Variants in HEMK2 observed in about 807,000 individuals in gnomAD.
The protein encoded by HEMK2 is methyltransferase HEMK2.
chr21:28,698,572 A>T, the HEMK2 span, among the ~76,000 whole-genome samples: 1 of 152,062 alleles, frequency 6.6e-6, no homozygotes, highest in Non-Finnish European at 1.5e-5. Flanking sequence ...ATGAGGAATG[A>T]CTATGAAAAT....
At chr21:28,831,706 G>A in the HEMK2 span, among the ~76,000 whole-genome samples, 3 of 98,658 alleles carry the variant, frequency 3.0e-5, no homozygotes, top group African/African-American at 4.6e-5. Flanking sequence ...AAGGAAGGAA[G>A]GAAGGAAGGA....
At chr21:28,862,745 T>TA in the HEMK2 span, among the ~76,000 whole-genome samples, 1 of 152,278 alleles carries the variant, frequency 6.6e-6, no homozygotes, top group Non-Finnish European at 1.5e-5. Context: ...CTCCTTTTGT[T>TA]AAAAACATGT....
the HEMK2 span, among the ~76,000 whole-genome samples, chr21:28,846,211 G>A: frequency 2.0e-5 from 3 of 152,156 alleles, no homozygotes; most frequent in African/African-American, 7.2e-5. Flanking sequence ...TGGGCGTCTA[G>A]GTTGATTCCA....
At chr21:28,735,265 C>G in the HEMK2 span, among the ~76,000 whole-genome samples, 7 of 152,156 alleles carry the variant, frequency 4.6e-5, no homozygotes, top group Non-Finnish European at 8.8e-5. Flanking sequence ...ACTGGGTTCT[C>G]TACCCTGGGT....
the HEMK2 span, among the ~76,000 whole-genome samples, chr21:28,864,623 A>G: frequency 6.6e-6 from 1 of 152,138 alleles, no homozygotes; most frequent in Non-Finnish European, 1.5e-5. Flanking sequence ...ACGTCCACTT[A>G]AAAAGTTTCA....
chr21:28,755,120 G>A, the HEMK2 span, among the ~76,000 whole-genome samples: 33 of 152,170 alleles, frequency 2.2e-4, 1 homozygote, highest in East Asian at 2.1e-3. Flanking sequence ...AGAAGAATTC[G>A]TGTGAGGTCT....
At chr21:28,689,268 G>A in the HEMK2 span, among the ~76,000 whole-genome samples, 2 of 152,170 alleles carry the variant, frequency 1.3e-5, no homozygotes, top group Admixed American at 1.3e-4. Context: ...CATGCAAATT[G>A]TAGATGTTAA....
At chr21:28,641,145 C>T in the HEMK2 span, among the ~76,000 whole-genome samples, 15 of 152,044 alleles carry the variant, frequency 9.9e-5, no homozygotes, top group African/African-American at 3.6e-4. Flanking sequence ...TAAAAAAATC[C>T]TTGTTTCCTC....
At chr21:28,650,770 A>G in the HEMK2 span, among the ~76,000 whole-genome samples, 24 of 152,300 alleles carry the variant, frequency 1.6e-4, no homozygotes, top group Non-Finnish European at 2.8e-4. Flanking sequence ...AGTCCTCGGC[A>G]TATAAAGGGG....
At chr21:28,825,761 G>A in the HEMK2 span, among the ~76,000 whole-genome samples, 1 of 152,150 alleles carries the variant, frequency 6.6e-6, no homozygotes, top group Non-Finnish European at 1.5e-5. Context: ...ATAAAAGTTG[G>A]GTGACCAACT....
chr21:28,594,400 G>A, the HEMK2 span, among the ~76,000 whole-genome samples: 1 of 152,142 alleles, frequency 6.6e-6, no homozygotes, highest in Non-Finnish European at 1.5e-5. Flanking sequence ...CCAAACTAAT[G>A]TAGGAGATTA....
the HEMK2 span, among the ~76,000 whole-genome samples, chr21:28,681,367 G>C: frequency 2.0e-5 from 3 of 151,992 alleles, no homozygotes; most frequent in Admixed American, 1.3e-4. Flanking sequence ...CCTCTTCAAG[G>C]AGAACTACAA....
the HEMK2 span, among the ~76,000 whole-genome samples, chr21:28,665,387 A>ATTTTTTT: frequency 2.8e-4 from 4 of 14,414 alleles, no homozygotes; most frequent in Non-Finnish European, 4.3e-4. Context: ...TTTTTTTTTA[A>ATTTTTTT]TTTTTTTTTT....
At chr21:28,876,855 G>A in the HEMK2 span, among the ~76,000 whole-genome samples, 6 of 152,000 alleles carry the variant, frequency 3.9e-5, no homozygotes, top group Non-Finnish European at 8.8e-5. Context: ...GCCAATGAAG[G>A]TGTGGACAAA....
chr21:28,841,067 AATATTAT>A, the HEMK2 span, among the ~76,000 whole-genome samples: 80 of 43,904 alleles, frequency 1.8e-3, 3 homozygotes, highest in Admixed American at 0.02. Flanking sequence ...TATATAAATA[AATATTAT>A]ATATTATATA....
At chr21:28,818,628 A>C in the HEMK2 span, among the ~76,000 whole-genome samples, 1 of 152,092 alleles carries the variant, frequency 6.6e-6, no homozygotes, top group South Asian at 2.1e-4. Flanking sequence ...CAGCAAATCC[A>C]TATCTTAGAA....
the HEMK2 span, among the ~76,000 whole-genome samples, chr21:28,811,041 T>C: frequency 1.3e-5 from 2 of 152,166 alleles, no homozygotes; most frequent in Non-Finnish European, 1.5e-5. Flanking sequence ...CACTGAACAG[T>C]GTTTCAGTGA....
At chr21:28,749,900 A>C in the HEMK2 span, among the ~76,000 whole-genome samples, 2 of 152,240 alleles carry the variant, frequency 1.3e-5, no homozygotes, top group Admixed American at 1.3e-4. Flanking sequence ...CATATTCTCT[A>C]AAAGGACAGC....
At chr21:28,799,711 G>C in the HEMK2 span, among the ~76,000 whole-genome samples, 1 of 152,112 alleles carries the variant, frequency 6.6e-6, no homozygotes, top group African/African-American at 2.4e-5. Context: ...TGAAGGTTTG[G>C]AAAGCCCTAT....
Sources: gnomAD v4.1 joint callset for allele counts (sites outside exome capture counted in the v4.1 genomes callset) on GRCh38, gnomAD v4.1.1 for gene constraint, MANE v1.5 for transcripts, NCBI Gene and HGNC (gene_info 2026-07-23, HGNC 2026-07-21) for gene names.